FUCA1: variants seen among roughly 807,000 people sequenced by gnomAD.
FUCA1 encodes tissue alpha-L-fucosidase.
A neutral mutation model predicts 56.8 loss-of-function variants in FUCA1; 52 were observed. That is an observed-to-expected ratio of 0.92 (90% CI 0.73 to 1.15). The LOEUF is 1.15. Among genes scored for constraint, FUCA1 ranks in the 50% most tolerant of loss-of-function variants. The pLI is 0.00. For missense variants in FUCA1, 568 were observed against 592.6 expected (o/e 0.96, Z 0.43); for synonymous variants, 230 against 226.6 (o/e 1.02, Z -0.14).
At chr1:23,852,489 C>T (rs1390829297) in intron 5 of FUCA1, among the ~76,000 whole-genome samples, 1 of 151,546 alleles carries the variant, frequency 6.6e-6, no homozygotes, top group Non-Finnish European at 1.5e-5. Context: ...CACGGTCTCC[C>T]TCTCCCTCTC....
At chr1:23,852,585 C>T (rs1407302754) in intron 5 of FUCA1, among the ~76,000 whole-genome samples, 1 of 152,152 alleles carries the variant, frequency 6.6e-6, no homozygotes, top group Non-Finnish European at 1.5e-5. Flanking sequence ...GCCTGATTCT[C>T]CTGCCTCAGC....
Position 23,863,041 on chromosome 1 carries a change from C to T in FUCA1, c.662+93G>A, listed in dbSNP as rs771620568. 2.1e-5 allele frequency: 29 copies of T among 1,352,336 alleles called. No homozygotes were observed. The East Asian group carries it at 6.7e-4, about 31-fold the overall frequency. The allele number at this position is 1,352,336 out of a possible 1,614,324, so 83.8% of individuals were successfully genotyped here. A position where few individuals can be genotyped will look rare whatever the true frequency, so the allele number is the denominator to read the frequency against. On this transcript the variant is annotated intron_variant, in intron 3 of 7. Coordinates refer to ENST00000374479, the MANE Select transcript of FUCA1 (RefSeq NM_000147.5). The stretch of plus-strand genomic sequence containing the variant: ...ATTTTGATGTCTTTTAGGTTTTTTT[C>T]ATACCTATCCCTCCTCCACTTTAAT...
At chr1:23,850,786 A>G (rs1639239046) in intron 5 of FUCA1, among the ~76,000 whole-genome samples, 1 of 152,018 alleles carries the variant, frequency 6.6e-6, no homozygotes, top group African/African-American at 2.4e-5. Flanking sequence ...GTGCCTGGCC[A>G]CTTATTTTTA....
Position 23,863,274 on chromosome 1 carries a change from TAAACAGAAA to T in FUCA1, c.525-12_525-4del. ...GGTATAGTCCATAGCGGATGTTCCT[TAAACAGAAA>T]AACAGAACAGCAACTGTCATTAAGC... is the stretch of plus-strand genomic sequence containing the variant. On this transcript the variant is annotated splice_region_variant and splice_polypyrimidine_tract_variant and intron_variant, in intron 2 of 7. Coordinates refer to ENST00000374479, the MANE Select transcript of FUCA1 (RefSeq NM_000147.5). 1 of 1,612,380 alleles carries T rather than the reference TAAACAGAAA, an allele frequency of 6.2e-7. No individual in the cohort carries two copies. The highest frequency in any genetic ancestry group is 1.3e-5 in the African/African-American group (1 of 75,026).
chr1:23,851,224 C>T (rs1210139487), intron 5 of FUCA1, among the ~76,000 whole-genome samples: 6 of 152,094 alleles, frequency 3.9e-5, no homozygotes, highest in African/African-American at 1.4e-4. Flanking sequence ...ATAAGCTGGG[C>T]ATGGTGGCAC....
At chr1:23,865,026 A>C (rs113576680) in intron 2 of FUCA1, among the ~76,000 whole-genome samples, 4 of 152,178 alleles carry the variant, frequency 2.6e-5, no homozygotes, top group Admixed American at 6.5e-5. Flanking sequence ...AGATCCAGAC[A>C]GTGTTTTAGG....
intron 5 of FUCA1, among the ~76,000 whole-genome samples, chr1:23,849,740 G>A (rs189927309): frequency 4.0e-5 from 6 of 151,684 alleles, no homozygotes; most frequent in Non-Finnish European, 8.8e-5. Context: ...GCACCACCAT[G>A]CCCAGTTAAT....
chr1:23,854,655 C>T (rs556974979), intron 4 of FUCA1, 95 bp from the exon 5 acceptor site: 2 of 1,070,834 alleles, frequency 1.9e-6, no homozygotes, highest in Admixed American at 3.5e-5. Context: ...AAGCAAGAAA[C>T]TTAGTCTAGA....
At chr1:23,859,268 T>A (rs1331528845) in intron 4 of FUCA1, among the ~76,000 whole-genome samples, 2 of 152,058 alleles carry the variant, frequency 1.3e-5, no homozygotes, top group Admixed American at 1.3e-4. Context: ...TTGTCAAAGT[T>A]AAGAACTAAA....
intron 6 of FUCA1, 55 bp from the exon 7 acceptor site, chr1:23,846,228 C>G: frequency 9.8e-7 from 1 of 1,019,300 alleles, no homozygotes; most frequent in South Asian, 1.3e-5. Flanking sequence ...TCCTGATATA[C>G]AACTTTATAC....
intron 5 of FUCA1, among the ~76,000 whole-genome samples, chr1:23,851,421 CAT>C (rs1639256483): frequency 6.6e-6 from 1 of 151,916 alleles, no homozygotes; most frequent in Non-Finnish European, 1.5e-5. Flanking sequence ...TACATACATA[CAT>C]ACATACAAAT....
rs1224936992 is a variant in FUCA1 at position 23,867,333 on chromosome 1, T to C, written c.389+565A>G. ...ACAGTTCTCAGAGAGAGTCAGACCC[T>C]TCCTGGACACTTCCTACGTAAAAGG... On this transcript the variant is annotated intron_variant, in intron 1 of 7. Transcript: ENST00000374479. This position sits in a 1 kb window ranked among gnomAD's most constrained non-coding sequence, Gnocchi z 4.9. 6.6e-6 allele frequency among the ~76,000 whole-genome samples: 1 copy of C among 152,116 alleles called. No individual in the cohort carries two copies. The highest frequency in any genetic ancestry group is 1.5e-5 in the Non-Finnish European group (1 of 68,016).
At chr1:23,863,862 C>T (rs975174505) in intron 2 of FUCA1, among the ~76,000 whole-genome samples, 33 of 151,768 alleles carry the variant, frequency 2.2e-4, no homozygotes, top group African/African-American at 7.3e-4. Context: ...AAAACAAAAA[C>T]AAAACAAAAC....
chr1:23,845,948 C>T, intron 7 of FUCA1, 93 bp from the exon 8 acceptor site: 1 of 1,562,106 alleles, frequency 6.4e-7, no homozygotes, highest in East Asian at 2.2e-5. Context: ...CACGCTGGGC[C>T]AGGGCAGGAA....
intron 4 of FUCA1, 29 bp downstream of exon 4, chr1:23,859,769 G>C (rs1364865211): frequency 2.1e-6 from 3 of 1,403,930 alleles, no homozygotes; most frequent in African/African-American, 2.8e-5. Flanking sequence ...CTTCATAGGA[G>C]ATAAATAAGA....
chr1:23,852,466 CTCTCCCTCTCCCCACGG>C (rs1230010396), intron 5 of FUCA1, among the ~76,000 whole-genome samples: 3 of 150,632 alleles, frequency 2.0e-5, no homozygotes, highest in African/African-American at 2.5e-5. Flanking sequence ...CCTCTCCCCC[CTCTCCCTCTCCCCACGG>C]TCTCCCTCTC....
rs1027193767 is a variant in FUCA1, at chr1:23,845,830, TCTC to T, written c.1283_1285del (p.Gly428del). ...ATCTGGATCTGTGGACCACTTCAGA[TCTC>T]CTTGAATTCCCAGCATTGTTATCTG... On this transcript the variant is annotated inframe_deletion, in exon 8 of 8. Transcript: ENST00000374479. 2 of 1,614,122 alleles carry T rather than the reference TCTC, an allele frequency of 1.2e-6. No homozygotes were observed. The highest frequency in any genetic ancestry group is 2.2e-5 in the South Asian group (2 of 91,088).
intron 6 of FUCA1, among the ~76,000 whole-genome samples, chr1:23,846,430 C>T (rs1226721301): frequency 6.6e-6 from 1 of 152,016 alleles, no homozygotes; most frequent in African/African-American, 2.4e-5. Context: ...ACCACCACGC[C>T]TGGCTAACTT....
chr1:23,865,743 G>C (rs1391679642), intron 1 of FUCA1, 118 bp from the exon 2 acceptor site: 3 of 1,126,154 alleles, frequency 2.7e-6, no homozygotes, highest in Non-Finnish European at 4.0e-6. Context: ...AAATGTACTT[G>C]TACCAGTGAC....
Sources: allele counts gnomAD v4.1 joint callset (sites outside exome capture counted in the v4.1 genomes callset), GRCh38; gene constraint gnomAD v4.1.1; non-coding constraint Gnocchi (gnomAD v3.1); transcripts MANE v1.5; gene names NCBI Gene and HGNC (gene_info 2026-07-23, HGNC 2026-07-21).